The following STON2 variants were observed in gnomAD, a reference collection of about 807,000 sequenced individuals.
STON2 encodes the protein stonin 2, also known as stonin-2.
STON2 carries 29 observed loss-of-function variants against 65.7 expected under a neutral mutation model. That is an observed-to-expected ratio of 0.44 (90% CI 0.33 to 0.60). The LOEUF (loss-of-function observed/expected upper bound fraction) is 0.60. Among genes scored for constraint, STON2 ranks in the 20% least tolerant of loss-of-function variants. STON2 has a pLI of 0.03. For synonymous variants in STON2, 404 were observed against 414.2 expected, an observed-to-expected ratio of 0.98 and a Z score of 0.30; for missense variants, 1,054 against 1,118.1, an observed-to-expected ratio of 0.94 and a Z score of 0.82.
intron 4 of STON2, among the ~76,000 whole-genome samples, chr14:81,354,871 G>C (rs538865137): frequency 6.4e-4 from 98 of 152,146 alleles, no homozygotes; most frequent in African/African-American, 2.2e-3. Context: ...ACAAAAATTA[G>C]CTGGGCATGG....
intron 3 of STON2, among the ~76,000 whole-genome samples, chr14:81,372,831 G>C (rs997533514): frequency 6.6e-6 from 1 of 151,954 alleles, no homozygotes; most frequent in African/African-American, 2.4e-5. Context: ...AAAACAAATA[G>C]AAAAAGAAAA....
At chr14:81,388,656 G>C (rs1899937670) in intron 3 of STON2, among the ~76,000 whole-genome samples, 1 of 152,280 alleles carries the variant, frequency 6.6e-6, no homozygotes, top group African/African-American at 2.4e-5. Context: ...TCCAATTCCA[G>C]GCTGAAGTCC....
intron 6 of STON2, among the ~76,000 whole-genome samples, chr14:81,275,597 T>C (rs969053469): frequency 5.3e-5 from 8 of 152,012 alleles, no homozygotes; most frequent in Non-Finnish European, 1.2e-4. Context: ...TCAGGGGAAA[T>C]GAATAAGCAG....
intron 4 of STON2, among the ~76,000 whole-genome samples, chr14:81,368,074 A>T (rs1898818776): frequency 6.6e-6 from 1 of 152,132 alleles, no homozygotes; most frequent in African/African-American, 2.4e-5. Context: ...GGTCCTATTT[A>T]TATTAAAAAT....
intron 5 of STON2, among the ~76,000 whole-genome samples, chr14:81,302,774 A>G (rs774719231): frequency 2.0e-5 from 3 of 152,252 alleles, no homozygotes; most frequent in Non-Finnish European, 2.9e-5. Flanking sequence ...GGAAAATTAT[A>G]TAAGATCTGT....
At chr14:81,416,648 C>T (rs1901450528) in intron 2 of STON2, among the ~76,000 whole-genome samples, 1 of 152,142 alleles carries the variant, frequency 6.6e-6, no homozygotes, top group South Asian at 2.1e-4. Flanking sequence ...CAGAGGACAC[C>T]GCTGCTATAA....
At chr14:81,397,657 A>G (rs1900392973) in intron 2 of STON2, among the ~76,000 whole-genome samples, 1 of 152,196 alleles carries the variant, frequency 6.6e-6, no homozygotes, top group East Asian at 1.9e-4. Flanking sequence ...GTCTCTGCAA[A>G]TATCTCCTGG....
intron 3 of STON2, among the ~76,000 whole-genome samples, chr14:81,388,000 A>T (rs998847214): frequency 8.5e-6 from 1 of 117,854 alleles, no homozygotes; most frequent in Non-Finnish European, 1.6e-5. Flanking sequence ...CCCAGGCTGG[A>T]GTGCAGTGGC....
chr14:81,375,424 ATATAGT>A (rs1467329666), intron 3 of STON2, among the ~76,000 whole-genome samples: 9 of 152,224 alleles, frequency 5.9e-5, no homozygotes, highest in East Asian at 5.8e-4. Flanking sequence ...AAGAAAGTTG[ATATAGT>A]TATAGATTAT....
At chr14:81,308,781 CATAT>C (rs57821672) in intron 5 of STON2, among the ~76,000 whole-genome samples, 24 of 9,160 alleles carry the variant, frequency 2.6e-3, no homozygotes, top group African/African-American at 7.2e-3. Context: ...TGGTTTTACC[CATAT>C]ATATATATAT....
chr14:81,424,851 A>G (rs1901889794), intron 2 of STON2, among the ~76,000 whole-genome samples: 1 of 152,216 alleles, frequency 6.6e-6, no homozygotes, highest in African/African-American at 2.4e-5. Flanking sequence ...CTTTCCTATT[A>G]ATGTTTCTGC....
At chr14:81,435,014 G>A (rs1048804325) in intron 1 of STON2, among the ~76,000 whole-genome samples, 5 of 152,058 alleles carry the variant, frequency 3.3e-5, no homozygotes, top group Admixed American at 3.3e-4. Flanking sequence ...TAAGGGAGGA[G>A]TAAAAAGTAT....
chr14:81,303,721 C>T (rs559740430), intron 5 of STON2, among the ~76,000 whole-genome samples: 37 of 152,240 alleles, frequency 2.4e-4, no homozygotes, highest in African/African-American at 7.7e-4. Flanking sequence ...CCTATGACAA[C>T]CCAAGGGGAG....
At chr14:81,298,647 T>C (rs550787079) in intron 5 of STON2, among the ~76,000 whole-genome samples, 6 of 152,264 alleles carry the variant, frequency 3.9e-5, no homozygotes, top group South Asian at 2.1e-4. Flanking sequence ...AACAGAACCA[T>C]GCTAGGAGTT....
At chr14:81,356,306 A>C (rs946145216) in intron 4 of STON2, among the ~76,000 whole-genome samples, 48 of 152,328 alleles carry the variant, frequency 3.2e-4, no homozygotes, top group Non-Finnish European at 1.6e-4. Flanking sequence ...ATGCTGGATT[A>C]CATTTATTGA....
chr14:81,264,010 AC>A lies in STON2; in HGVS notation c.*4403del. ...ACGGTCAGCGGTTAGTGCTGGAAGA[AC>A]AAAGACCTACTGCATGAAGACTGGT... On this transcript the variant is annotated 3_prime_UTR_variant, in exon 8 of 8. Coordinates refer to ENST00000614646, the MANE Select transcript of STON2 (RefSeq NM_001394390.1). The A allele has an allele frequency of 1.0e-6, 1 of 985,438 alleles. No individual in the cohort carries two copies. The highest frequency in any genetic ancestry group is 1.2e-6 in the Non-Finnish European group (1 of 829,942). 61.0% of individuals were successfully genotyped at this position (985,438 alleles called of 1,614,324 possible).
chr14:81,398,422 G>C lies in STON2; in HGVS notation c.-40C>G. On this transcript the variant is annotated 5_prime_UTR_variant, in exon 2 of 8. Transcript: ENST00000614646. ...GGTCATCTTCACACTGCTGACCTCA[G>C]GTGAACCCCAGAATACTGTCTGGGG... 1 of 1,529,952 alleles carries C rather than the reference G, an allele frequency of 6.5e-7. No individual in the cohort carries two copies. Among genetic ancestry groups the C allele is most frequent in the Middle Eastern group, 1.7e-4 (1 of 5,896 alleles). The allele number at this position is 1,529,952 out of a possible 1,614,324, so 94.8% of individuals were successfully genotyped here.
rs1894294967 is a variant in STON2 at position 81,264,869 on chromosome 14, C to T, written c.*3545G>A. 1.0e-6 allele frequency: 1 copy of T among 985,366 alleles called. No individual in the cohort carries two copies. The highest frequency in any genetic ancestry group is 1.2e-6 in the Non-Finnish European group (1 of 829,906). The allele number at this position is 985,366 out of a possible 1,614,324, so 61.0% of individuals were successfully genotyped here. On this transcript the variant is annotated 3_prime_UTR_variant, in exon 8 of 8. Transcript: ENST00000614646. ...CATCTAATGGTCTCCCCACAAAGTG[C>T]CTCACATTGTCTTGTCTGACATGTC... is the stretch of plus-strand genomic sequence containing the variant.
chr14:81,353,935 A>G (rs1205049524), intron 4 of STON2, among the ~76,000 whole-genome samples: 1 of 152,204 alleles, frequency 6.6e-6, no homozygotes, highest in Non-Finnish European at 1.5e-5. Context: ...AGGAGTTTCA[A>G]CAGTTCTCAG....
Sources: gnomAD v4.1 joint callset for allele counts (sites outside exome capture counted in the v4.1 genomes callset) on GRCh38, gnomAD v4.1.1 for gene constraint, MANE v1.5 for transcripts, NCBI Gene and HGNC (gene_info 2026-07-23, HGNC 2026-07-21) for gene names.